The following LUZP2 variants were observed in gnomAD, a reference collection of about 807,000 sequenced individuals.
The protein encoded by LUZP2 is leucine zipper protein 2.
Under a neutral mutation model 51.6 loss-of-function variants are expected in LUZP2, and 52 were observed. The observed-to-expected ratio is 1.01, with a 90% confidence interval of 0.81 to 1.27. The LOEUF (loss-of-function observed/expected upper bound fraction) is 1.27. Ranked by LOEUF, LUZP2 falls within the 50% of genes most tolerant of loss-of-function variation. The pLI, the probability that LUZP2 is intolerant of heterozygous loss-of-function variation, is 0.00. For missense variants in LUZP2, 436 were observed against 395.4 expected (o/e 1.10, Z -0.87); for synonymous variants, 154 against 137.3 (o/e 1.12, Z -0.85).
intron 9 of LUZP2, among the ~76,000 whole-genome samples, chr11:25,044,759 C>A (rs770436266): frequency 6.6e-6 from 1 of 151,676 alleles, no homozygotes; most frequent in Non-Finnish European, 1.5e-5. Context: ...CACATGCGCA[C>A]GTATGTTTAT....
intron 1 of LUZP2, among the ~76,000 whole-genome samples, chr11:24,641,499 T>C (rs1855282134): frequency 6.6e-6 from 1 of 151,894 alleles, no homozygotes; most frequent in Admixed American, 6.6e-5. Flanking sequence ...TTTTAAAATA[T>C]TACTGTTGAA....
intron 9 of LUZP2, among the ~76,000 whole-genome samples, chr11:25,022,703 T>C (rs1022324071): frequency 6.6e-6 from 1 of 152,082 alleles, no homozygotes; most frequent in Non-Finnish European, 1.5e-5. Context: ...AAATCAATAG[T>C]ACTGGACAGA....
intron 5 of LUZP2, among the ~76,000 whole-genome samples, chr11:24,792,334 G>A (rs1849431507): frequency 6.6e-6 from 1 of 151,958 alleles, no homozygotes; most frequent in Non-Finnish European, 1.5e-5. Context: ...GGCTGAGGCA[G>A]GGGAATCTCT....
At chr11:24,988,651 G>C (rs985626105) in intron 9 of LUZP2, among the ~76,000 whole-genome samples, 2 of 152,038 alleles carry the variant, frequency 1.3e-5, no homozygotes, top group Admixed American at 1.3e-4. Flanking sequence ...ACATGATTAT[G>C]CATTTTATTA....
chr11:24,577,866 T>G (rs1450932280), intron 1 of LUZP2, among the ~76,000 whole-genome samples: 2 of 152,144 alleles, frequency 1.3e-5, no homozygotes, highest in African/African-American at 4.8e-5. Context: ...CAGTTACAAG[T>G]AAGAAACTTA....
intron 9 of LUZP2, among the ~76,000 whole-genome samples, chr11:25,010,797 A>G (rs1856963191): frequency 6.6e-6 from 1 of 152,108 alleles, no homozygotes; most frequent in Non-Finnish European, 1.5e-5. Context: ...CAGTGAGCCA[A>G]GATCGCACCA....
intron 5 of LUZP2, among the ~76,000 whole-genome samples, chr11:24,823,810 T>C (rs544083471): frequency 2.0e-5 from 3 of 152,260 alleles, no homozygotes; most frequent in Admixed American, 2.0e-4. Context: ...ACACCTGTAA[T>C]CCGAGCACTT....
At chr11:24,918,593 A>G (rs11822145) in intron 7 of LUZP2, among the ~76,000 whole-genome samples, 69,615 of 151,104 alleles carry the variant, frequency 0.46, 16,464 homozygotes, top group East Asian at 0.76. Context: ...TGACAAACCC[A>G]CAGCCAAAAT....
At chr11:24,614,396 T>A (rs1023033669) in intron 1 of LUZP2, among the ~76,000 whole-genome samples, 1 of 152,016 alleles carries the variant, frequency 6.6e-6, no homozygotes, top group East Asian at 1.9e-4. Flanking sequence ...TTGAGCCACG[T>A]ATAATCTTCA....
intron 5 of LUZP2, among the ~76,000 whole-genome samples, chr11:24,818,272 G>A (rs1413883935): frequency 6.6e-6 from 1 of 152,012 alleles, no homozygotes; most frequent in Non-Finnish European, 1.5e-5. Context: ...GGTTTCCTCT[G>A]TAAGAAAGTT....
At chr11:24,530,358 A>G (rs1397637205) in intron 1 of LUZP2, among the ~76,000 whole-genome samples, 1 of 150,930 alleles carries the variant, frequency 6.6e-6, no homozygotes, top group African/African-American at 2.4e-5. Flanking sequence ...TGATTAAATT[A>G]TCAGAAATAT....
In LUZP2 at chr11:24,825,521, A is replaced by C. The variant is rs141432031; in HGVS notation, c.396+62213A>C. Among the ~76,000 whole-genome samples, 112 of 152,302 alleles carry C rather than the reference A, an allele frequency of 7.4e-4. 1 individual carries two copies. The East Asian group carries it at 0.021, about 29-fold the overall frequency. Reference sequence around the variant, plus strand: ...TCTTTTTATAAACACACTAGATTTGACACTGTTCTTGGTCTTGAAATAACA... The same window carrying C: ...TCTTTTTATAAACACACTAGATTTGCCACTGTTCTTGGTCTTGAAATAACA... On this transcript the variant is annotated intron_variant, in intron 5 of 11. Coordinates refer to ENST00000336930, the MANE Select transcript of LUZP2 (RefSeq NM_001009909.4).
chr11:24,790,188 C>T (rs904312948), intron 5 of LUZP2, among the ~76,000 whole-genome samples: 1 of 152,072 alleles, frequency 6.6e-6, no homozygotes, highest in Non-Finnish European at 1.5e-5. Context: ...ACAGCTACTG[C>T]CTTTTTTTGT....
chr11:24,544,015 G>A (rs1295576915), intron 1 of LUZP2, among the ~76,000 whole-genome samples: 1 of 151,958 alleles, frequency 6.6e-6, no homozygotes, highest in Non-Finnish European at 1.5e-5. Flanking sequence ...CAAGAAGTGA[G>A]GTGTGATGGA....
intron 5 of LUZP2, among the ~76,000 whole-genome samples, chr11:24,795,092 T>G (rs1486681): frequency 0.79 from 119,338 of 152,008 alleles, 46,909 homozygotes; most frequent in East Asian, 0.87. Context: ...ACTTTACTGA[T>G]AAGATGGCTC....
intron 1 of LUZP2, among the ~76,000 whole-genome samples, chr11:24,505,077 T>C (rs1318891585): frequency 1.3e-5 from 2 of 152,150 alleles, no homozygotes; most frequent in African/African-American, 2.4e-5. Flanking sequence ...TCTTCCAAAC[T>C]AGTTTTCAGA....
chr11:25,049,605 A>T (rs1005101847), intron 9 of LUZP2, among the ~76,000 whole-genome samples: 1 of 152,102 alleles, frequency 6.6e-6, no homozygotes, highest in African/African-American at 2.4e-5. Flanking sequence ...GTATATTATG[A>T]AGTGTTACGA....
At chr11:24,771,569 A>G (rs1860419862) in intron 5 of LUZP2, among the ~76,000 whole-genome samples, 1 of 151,526 alleles carries the variant, frequency 6.6e-6, no homozygotes, top group Non-Finnish European at 1.5e-5. Flanking sequence ...ACCATATTCA[A>G]GTCTGTTCTT....
At chr11:24,964,877 G>T (rs915546565) in intron 7 of LUZP2, among the ~76,000 whole-genome samples, 3 of 151,654 alleles carry the variant, frequency 2.0e-5, no homozygotes, top group Non-Finnish European at 4.4e-5. Flanking sequence ...TCAATGCATG[G>T]TATAAAAGGA....
Sources: allele counts gnomAD v4.1 joint callset (sites outside exome capture counted in the v4.1 genomes callset), GRCh38; gene constraint gnomAD v4.1.1; transcripts MANE v1.5; gene names NCBI Gene and HGNC (gene_info 2026-07-23, HGNC 2026-07-21).